The following NRXN1 variants were observed in gnomAD, a reference collection of about 807,000 sequenced individuals.
NRXN1 encodes neurexin 1.
A neutral mutation model predicts 150.9 loss-of-function variants in NRXN1; 39 were observed. The observed-to-expected ratio is 0.26, with a 90% CI of 0.20 to 0.34. The LOEUF is 0.34. Among genes scored for constraint, NRXN1 ranks in the 10% least tolerant of loss-of-function variants. The pLI is 1.00. For missense variants in NRXN1, 1,815 were observed against 1,949.9 expected (o/e 0.93, Z 1.30); for synonymous variants, 924 against 757.0 (o/e 1.22, Z -3.62).
chr2:50,108,271 G>C (rs1436363977), intron 18 of NRXN1, among the ~76,000 whole-genome samples: 1 of 151,996 alleles, frequency 6.6e-6, no homozygotes, highest in African/African-American at 2.4e-5. Flanking sequence ...ATTGACCAAT[G>C]TATATTTTAA....
intron 21 of NRXN1, among the ~76,000 whole-genome samples, chr2:50,025,944 C>T (rs746530473): frequency 1.8e-4 from 28 of 152,180 alleles, no homozygotes; most frequent in Non-Finnish European, 4.0e-4. Flanking sequence ...TCAGGCCAGT[C>T]CCAACTGGGA....
At chr2:50,114,560 T>G (rs180903076) in intron 18 of NRXN1, among the ~76,000 whole-genome samples, 53 of 152,318 alleles carry the variant, frequency 3.5e-4, no homozygotes, top group South Asian at 8.3e-4. Flanking sequence ...TGTACATGGA[T>G]GTTTATAGCA....
intron 17 of NRXN1, among the ~76,000 whole-genome samples, chr2:50,403,767 C>A (rs538553439): frequency 6.6e-6 from 1 of 152,084 alleles, no homozygotes; most frequent in South Asian, 2.1e-4. Flanking sequence ...CCCTTAGTAT[C>A]TGTGTTGATA....
In NRXN1 at chr2:50,321,597, G is replaced by A. The variant is rs535685768; in HGVS notation, c.3365-84627C>T. Reference sequence around the variant, plus strand: ...TTTTTCCTAAGTAGCAGTACTTTTCGAGAAACGGAAGGTATTGAATATTCA... The same window carrying A: ...TTTTTCCTAAGTAGCAGTACTTTTCAAGAAACGGAAGGTATTGAATATTCA... On this transcript the variant is annotated intron_variant, in intron 17 of 22. Coordinates refer to ENST00000401669, the MANE Select transcript of NRXN1 (RefSeq NM_001330078.2). Among the ~76,000 whole-genome samples, 28 of 152,108 alleles carry A rather than the reference G, an allele frequency of 1.8e-4. No homozygotes were observed. The South Asian group carries it at 5.8e-3, about 32-fold the overall frequency.
Position 50,357,302 on chromosome 2 carries a change from A to ATTTATTTATTTAT in NRXN1, c.3364+108139_3364+108140insATAAATAAATAAA, listed in dbSNP as rs59536239. On this transcript the variant is annotated intron_variant, in intron 17 of 22. Transcript: ENST00000401669. Reference sequence around the variant, plus strand: ...AAATAATACATTTATTTATTTATTTATTTTTTTTTTTATTTATTATTTTGA... The same window carrying ATTTATTTATTTAT: ...AAATAATACATTTATTTATTTATTTATTTATTTATTTATTTTTTTTTTTTATTTATTATTTTGA... Among the ~76,000 whole-genome samples, 375 of 142,886 alleles carry ATTTATTTATTTAT rather than the reference A, an allele frequency of 2.6e-3. 1 individual carries two copies. The highest frequency in any genetic ancestry group is 4.2e-3 in the Non-Finnish European group (284 of 67,144). 93.7% of individuals were successfully genotyped at this position (142,886 alleles called of 152,430 possible).
intron 17 of NRXN1, among the ~76,000 whole-genome samples, chr2:50,328,457 T>C (rs1418087002): frequency 6.6e-6 from 1 of 151,912 alleles, no homozygotes; most frequent in Non-Finnish European, 1.5e-5. Context: ...GAAACTTCGG[T>C]TGGGTGTGGT....
At chr2:50,067,251 A>C (rs1262260677) in intron 19 of NRXN1, among the ~76,000 whole-genome samples, 1 of 152,218 alleles carries the variant, frequency 6.6e-6, no homozygotes, top group Non-Finnish European at 1.5e-5. Flanking sequence ...TTCTTCCTTC[A>C]CATCCCTCTC....
intron 5 of NRXN1, among the ~76,000 whole-genome samples, chr2:50,629,453 G>A (rs954655463): frequency 1.3e-5 from 2 of 151,640 alleles, no homozygotes; most frequent in African/African-American, 4.8e-5. Context: ...CAAGACAGTG[G>A]CTATGCTTGG....
chr2:50,270,682 T>C (rs2069484866), intron 17 of NRXN1, among the ~76,000 whole-genome samples: 1 of 151,888 alleles, frequency 6.6e-6, no homozygotes. Flanking sequence ...AGTTTTTTTT[T>C]TTTTTTGAAA....
intron 10 of NRXN1, among the ~76,000 whole-genome samples, chr2:50,536,460 A>G (rs1227006592): frequency 6.6e-6 from 1 of 152,104 alleles, no homozygotes; most frequent in Admixed American, 6.6e-5. Flanking sequence ...TTCTTCTCTC[A>G]TCCTGGCTCT....
intron 17 of NRXN1, among the ~76,000 whole-genome samples, chr2:50,241,861 T>C (rs2066030967): frequency 6.6e-6 from 1 of 151,776 alleles, no homozygotes; most frequent in Non-Finnish European, 1.5e-5. Context: ...AAGGCTAACA[T>C]ATTCCCTTAC....
chr2:50,812,898 T>C (rs1011344248), intron 5 of NRXN1, among the ~76,000 whole-genome samples: 1 of 152,056 alleles, frequency 6.6e-6, no homozygotes, highest in Non-Finnish European at 1.5e-5. Flanking sequence ...AATTTTTGTT[T>C]GATACTTTTG....
chr2:49,941,436 A>G (rs752197994), intron 22 of NRXN1, among the ~76,000 whole-genome samples: 5 of 151,618 alleles, frequency 3.3e-5, no homozygotes, highest in Admixed American at 6.6e-5. Context: ...GTGTCACCAG[A>G]GCAAAAGACA....
chr2:50,775,861 G>A (rs1703561924), intron 5 of NRXN1, among the ~76,000 whole-genome samples: 1 of 151,924 alleles, frequency 6.6e-6, no homozygotes, highest in Non-Finnish European at 1.5e-5. Flanking sequence ...TTTATCCAGG[G>A]TGATTCTTTT....
intron 21 of NRXN1, among the ~76,000 whole-genome samples, chr2:49,985,305 A>G (rs984770469): frequency 1.3e-5 from 2 of 152,198 alleles, no homozygotes; most frequent in African/African-American, 4.8e-5. Flanking sequence ...CTACGATTCA[A>G]TAAATTTTAT....
chr2:49,953,160 G>A (rs1674281150), intron 21 of NRXN1, among the ~76,000 whole-genome samples: 1 of 152,134 alleles, frequency 6.6e-6, no homozygotes, highest in Non-Finnish European at 1.5e-5. Context: ...GATGCTTGGA[G>A]TATAGAACAG....
chr2:50,303,845 A>G (rs2074378017), intron 17 of NRXN1, among the ~76,000 whole-genome samples: 1 of 152,102 alleles, frequency 6.6e-6, no homozygotes, highest in South Asian at 2.1e-4. Flanking sequence ...CAGCATAATT[A>G]ATAACTGGAA....
At chr2:50,742,274 T>TAC (rs973034823) in intron 5 of NRXN1, among the ~76,000 whole-genome samples, 21 of 151,646 alleles carry the variant, frequency 1.4e-4, no homozygotes, top group African/African-American at 4.8e-4. Context: ...TATATATATA[T>TAC]ATACTCTTTT....
intron 18 of NRXN1, among the ~76,000 whole-genome samples, chr2:50,140,381 A>G (rs1707094115): frequency 6.6e-6 from 1 of 152,134 alleles, no homozygotes; most frequent in Non-Finnish European, 1.5e-5. Context: ...GAAATCTGAT[A>G]ACCACTGCAG....
Sources: allele counts gnomAD v4.1 joint callset (sites outside exome capture counted in the v4.1 genomes callset), GRCh38; gene constraint gnomAD v4.1.1; transcripts MANE v1.5; gene names NCBI Gene and HGNC (gene_info 2026-07-23, HGNC 2026-07-21).